Variants in CTNNA3 observed in about 807,000 individuals in gnomAD.
CTNNA3 encodes the protein catenin alpha 3.
In CTNNA3, 76 loss-of-function variants were observed where a neutral mutation model predicts 95.7. The ratio of observed to expected loss-of-function variants is 0.79; its 90% CI spans 0.66 to 0.96. The LOEUF is 0.96. Ranked by LOEUF, CTNNA3 falls within the 40% of genes least tolerant of loss-of-function variation. The pLI is 0.00. For missense variants in CTNNA3, 1,191 were observed against 1,089.8 expected, an observed-to-expected ratio of 1.09 and a Z score of -1.31; for synonymous variants, 431 against 374.4, an observed-to-expected ratio of 1.15 and a Z score of -1.74.
At chr10:66,199,240 G>A (rs1184064241) in intron 13 of CTNNA3, among the ~76,000 whole-genome samples, 4 of 151,868 alleles carry the variant, frequency 2.6e-5, no homozygotes, top group Non-Finnish European at 5.9e-5. Flanking sequence ...AACATCAATG[G>A]TTTTACATAA....
rs61255657 is a variant in CTNNA3 at position 66,484,456 on chromosome 10, A to G, written c.1531+36161T>C. The stretch of plus-strand genomic sequence containing the variant: ...ATATTTTAGGATATAAAAAAGAGAA[A>G]AAGAGAAAGAATAAAGGAGTGTCTG... On this transcript the variant is annotated intron_variant, in intron 11 of 17. Coordinates refer to ENST00000433211, the MANE Select transcript of CTNNA3 (RefSeq NM_013266.4). Among the ~76,000 whole-genome samples the G allele has an allele frequency of 0.031, 4,691 of 152,160 alleles. 360 individuals carry two copies. In the East Asian group the frequency reaches 0.32, roughly 10 times the overall value.
At chr10:66,569,533 T>C (rs2174712) in intron 10 of CTNNA3, among the ~76,000 whole-genome samples, 55,722 of 152,038 alleles carry the variant, frequency 0.37, 10,871 homozygotes, top group Admixed American at 0.43. Flanking sequence ...TAATAACATG[T>C]TTTGTGCACA....
intron 13 of CTNNA3, among the ~76,000 whole-genome samples, chr10:66,118,916 C>T (rs1385442510): frequency 1.3e-5 from 2 of 151,930 alleles, no homozygotes; most frequent in Non-Finnish European, 1.5e-5. Context: ...TTTATTATTA[C>T]TATTTTTTAA....
chr10:67,726,955 T>C (rs1431991602), intron 1 of CTNNA3, among the ~76,000 whole-genome samples: 1 of 114,538 alleles, frequency 8.7e-6, no homozygotes, highest in East Asian at 2.5e-4. Context: ...TATTATATAT[T>C]ATATAATTAT....
At chr10:67,500,521 TG>T (rs1436928828) in intron 5 of CTNNA3, among the ~76,000 whole-genome samples, 10 of 152,144 alleles carry the variant, frequency 6.6e-5, no homozygotes, top group African/African-American at 2.2e-4. Context: ...ATATTGACAG[TG>T]GGGTGTTAAA....
At chr10:67,355,482 A>G (rs1424155542) in intron 5 of CTNNA3, among the ~76,000 whole-genome samples, 1 of 152,036 alleles carries the variant, frequency 6.6e-6, no homozygotes, top group African/African-American at 2.4e-5. Context: ...GGAATTTATG[A>G]TTACACAAAT....
chr10:66,311,273 C>T (rs1424817148), intron 12 of CTNNA3, among the ~76,000 whole-genome samples: 1 of 152,172 alleles, frequency 6.6e-6, no homozygotes, highest in East Asian at 1.9e-4. Context: ...AAGTTTGTTG[C>T]TCTTATGGTC....
intron 2 of CTNNA3, among the ~76,000 whole-genome samples, chr10:67,637,767 C>A (rs1353306500): frequency 2.0e-5 from 3 of 152,160 alleles, no homozygotes; most frequent in African/African-American, 4.8e-5. Flanking sequence ...CCAAACTAAA[C>A]TTCATAAGTG....
chr10:66,365,875 A>C (rs1025898259), intron 12 of CTNNA3, among the ~76,000 whole-genome samples: 4 of 152,038 alleles, frequency 2.6e-5, no homozygotes, highest in African/African-American at 9.7e-5. Flanking sequence ...GCCTCCTGCC[A>C]ACAAAAACAT....
At chr10:66,948,436 G>A (rs1025168754) in intron 7 of CTNNA3, among the ~76,000 whole-genome samples, 3 of 152,178 alleles carry the variant, frequency 2.0e-5, no homozygotes, top group Non-Finnish European at 4.4e-5. Context: ...ATGGAGATGC[G>A]TTTTTAAGAG....
intron 5 of CTNNA3, among the ~76,000 whole-genome samples, chr10:67,451,871 C>G (rs912838855): frequency 1.3e-5 from 2 of 152,102 alleles, no homozygotes; most frequent in African/African-American, 4.8e-5. Flanking sequence ...ACATAAAGGC[C>G]TATATTTTAT....
chr10:67,760,300 A>T (rs1299206334), intron 1 of CTNNA3, among the ~76,000 whole-genome samples: 7 of 151,964 alleles, frequency 4.6e-5, no homozygotes, highest in Admixed American at 4.6e-4. Flanking sequence ...TACTGGAGGC[A>T]TTGTCTACTG....
At chr10:66,037,401 TTTAA>T (rs778655637) in intron 15 of CTNNA3, among the ~76,000 whole-genome samples, 1 of 152,178 alleles carries the variant, frequency 6.6e-6, no homozygotes, top group African/African-American at 2.4e-5. Flanking sequence ...GACAAGTCTC[TTTAA>T]TTAGTTTATG....
intron 15 of CTNNA3, among the ~76,000 whole-genome samples, chr10:66,032,782 A>G (rs1564591433): frequency 6.6e-6 from 1 of 152,204 alleles, no homozygotes; most frequent in Non-Finnish European, 1.5e-5. Flanking sequence ...GATACTATTA[A>G]TAATACATTA....
chr10:66,653,691 A>G (rs2894014), intron 9 of CTNNA3, among the ~76,000 whole-genome samples: 99,965 of 151,796 alleles, frequency 0.66, 33,800 homozygotes, highest in East Asian at 0.95. Flanking sequence ...CACATTCTCC[A>G]ATTTCAAAAT....
At chr10:67,174,586 T>A (rs187588291) in intron 7 of CTNNA3, among the ~76,000 whole-genome samples, 19 of 152,304 alleles carry the variant, frequency 1.2e-4, no homozygotes. Context: ...TCCAAAACAA[T>A]TCACATATGC....
chr10:66,333,007 A>T (rs951816616), intron 12 of CTNNA3, among the ~76,000 whole-genome samples: 8 of 151,932 alleles, frequency 5.3e-5, no homozygotes, highest in Admixed American at 6.6e-5. Flanking sequence ...TTTCTAGTTT[A>T]TTTGTGTAGA....
intron 7 of CTNNA3, among the ~76,000 whole-genome samples, chr10:67,091,642 C>T (rs1857646516): frequency 6.6e-6 from 1 of 151,958 alleles, no homozygotes. Flanking sequence ...CAGTCATAGT[C>T]ACTAAGGTGA....
rs538279764 is a variant in CTNNA3, at chr10:66,220,079, C to T, written c.1884+60391G>A. Reference sequence around the variant, plus strand: ...CAGAGGTTGCAGTGAGCCGAGATCACGCCACTGCACTCCAGCCTGGGCAAC... The same window carrying T: ...CAGAGGTTGCAGTGAGCCGAGATCATGCCACTGCACTCCAGCCTGGGCAAC... On this transcript the variant is annotated intron_variant, in intron 13 of 17. Coordinates refer to ENST00000433211, the MANE Select transcript of CTNNA3 (RefSeq NM_013266.4). Among the ~76,000 whole-genome samples the T allele has an allele frequency of 3.3e-5, 5 of 152,156 alleles. No homozygotes were observed. The South Asian group carries it at 6.2e-4, about 19-fold the overall frequency.
Sources: allele counts gnomAD v4.1 joint callset (sites outside exome capture counted in the v4.1 genomes callset), GRCh38; gene constraint gnomAD v4.1.1; transcripts MANE v1.5; gene names NCBI Gene and HGNC (gene_info 2026-07-23, HGNC 2026-07-21).